NEK5: variants seen among roughly 807,000 people sequenced by gnomAD.
The protein encoded by NEK5 is serine/threonine-protein kinase Nek5.
Under a neutral mutation model 109.2 loss-of-function variants are expected in NEK5, and 88 were observed. The observed-to-expected ratio is 0.81, with a 90% CI of 0.68 to 0.96. The LOEUF (loss-of-function observed/expected upper bound fraction) is 0.96, where lower values mean the gene tolerates loss of function less well. Among genes scored for constraint, NEK5 ranks in the 40% least tolerant of loss-of-function variants. The probability of loss-of-function intolerance (pLI) is 0.00; values close to 1 mark genes in which losing one functional copy is unlikely to be tolerated. For missense variants in NEK5, 834 were observed against 920.7 expected (o/e 0.91, Z 1.22); for synonymous variants, 283 against 299.9 (o/e 0.94, Z 0.58).
At chr13:52,102,045 C>T (rs749025105) in intron 10 of NEK5, 31 bp from the exon 11 acceptor site, 9 of 1,612,232 alleles carry the variant, frequency 5.6e-6, no homozygotes, top group Non-Finnish European at 7.6e-6. Context: ...CAAGGACCTG[C>T]AACCCAAAAT....
chr13:52,062,581 C>T (rs370725211), intron 21 of NEK5, among the ~76,000 whole-genome samples: 2 of 151,914 alleles, frequency 1.3e-5, no homozygotes, highest in African/African-American at 4.8e-5. Flanking sequence ...CCATCACACC[C>T]GGCTAATTTT....
chr13:52,127,787 G>C (rs1021793387), intron 1 of NEK5, 125 bp from the exon 2 acceptor site: 5 of 280,840 alleles, frequency 1.8e-5, no homozygotes, highest in African/African-American at 1.1e-4. Flanking sequence ...TTCTAAAATG[G>C]AATAACAATA....
intron 11 of NEK5, 131 bp from the exon 12 acceptor site, chr13:52,100,007 TAC>T (rs1955498115): frequency 3.0e-6 from 2 of 675,974 alleles, no homozygotes; most frequent in South Asian, 2.5e-5. Context: ...AGAGATATTT[TAC>T]ACACAGTGAG....
intron 22 of NEK5, among the ~76,000 whole-genome samples, chr13:52,057,418 A>G (rs1453218601): frequency 4.7e-3 from 660 of 139,070 alleles, no homozygotes; most frequent in African/African-American, 0.011. Flanking sequence ...AATCAATAGA[A>G]AAAGAGGGAA....
chr13:52,126,292 CTA>C (rs1174615233), intron 3 of NEK5, among the ~76,000 whole-genome samples: 1 of 152,158 alleles, frequency 6.6e-6, no homozygotes, highest in African/African-American at 2.4e-5. Flanking sequence ...TTTTAATTAA[CTA>C]TATTTATTTT....
rs551943590 is a variant in NEK5 at position 52,079,457 on chromosome 13, G to A, written c.1573-3314C>T. Among the ~76,000 whole-genome samples, 752 of 152,310 alleles carry A rather than the reference G, an allele frequency of 4.9e-3. 4 individuals are homozygous for A. The highest frequency in any genetic ancestry group is 0.027 in the South Asian group (131 of 4,818). On this transcript the variant is annotated intron_variant, in intron 17 of 23. Transcript: ENST00000684899. ...TGCGATTGCAGGGGCGCACCGCCAC[G>A]CCTGACTGGTTTTCGTATTTTTTTG...
chr13:52,084,758 AGAGAGTGTGTGTGTGTGTGTGTGTGTGT>A (rs1955099718), intron 16 of NEK5, among the ~76,000 whole-genome samples: 3 of 45,104 alleles, frequency 6.7e-5, no homozygotes, highest in Non-Finnish European at 1.9e-4. Flanking sequence ...AGAGAGAGAG[AGAGAGTGTGTGTGTGTGTGTGTGTGTGT>A]GTGTGTGTGT....
intron 15 of NEK5, 113 bp downstream of exon 15, chr13:52,087,225 G>T: frequency 1.6e-6 from 1 of 612,264 alleles, no homozygotes; most frequent in South Asian, 2.5e-5. Flanking sequence ...ACTCAGCATG[G>T]TGTTGACATA....
At chr13:52,074,005 C>T (rs1954823907) in intron 19 of NEK5, among the ~76,000 whole-genome samples, 2 of 152,060 alleles carry the variant, frequency 1.3e-5, no homozygotes, top group African/African-American at 4.8e-5. Flanking sequence ...AAACATGCCA[C>T]ATGCATGGAT....
chr13:52,097,077 T>A (rs1955432692), intron 12 of NEK5, among the ~76,000 whole-genome samples: 1 of 152,202 alleles, frequency 6.6e-6, no homozygotes, highest in Non-Finnish European at 1.5e-5. Flanking sequence ...CCACATGGTG[T>A]TAAGTCTGCA....
intron 22 of NEK5, among the ~76,000 whole-genome samples, chr13:52,052,066 T>C (rs1008402253): frequency 1.3e-5 from 2 of 152,176 alleles, no homozygotes; most frequent in Non-Finnish European, 2.9e-5. Flanking sequence ...TTGTCTCTTA[T>C]CTACCTATGA....
rs941739253 is a variant in NEK5, at chr13:52,037,015, T to A, written c.2432A>T (p.Asn811Ile). The A allele has an allele frequency of 7.1e-6, 7 of 985,036 alleles. No individual in the cohort carries two copies. The African/African-American group carries it at 1.0e-4, about 15-fold the overall frequency. The allele number at this position is 985,036 out of a possible 1,614,324, so 61.0% of individuals were successfully genotyped here. A position where few individuals can be genotyped will look rare whatever the true frequency, so the allele number is the denominator to read the frequency against. ...TTCATCAGTAATACAAATGTGGTCA[T>A]TAGATGTAGTAGAAATATTCTCCAA... Reference protein sequence around the residue: ...EGLENISTTSNDHICITDEDQ... With the variant: ...EGLENISTTSIDHICITDEDQ... The change falls in exon 24 of 24, where the codon AAT becomes ATT. Residue 811 changes from asparagine (N) to isoleucine (I), a missense_variant. Asn to Ile is a moderately radical substitution (Grantham distance 149). Transcript: ENST00000684899.
chr13:52,124,475 A>G (rs1265510952), intron 3 of NEK5, among the ~76,000 whole-genome samples: 2 of 152,226 alleles, frequency 1.3e-5, no homozygotes, highest in South Asian at 2.1e-4. Context: ...TCCCATGTCA[A>G]TGCTTCACCT....
intron 8 of NEK5, among the ~76,000 whole-genome samples, chr13:52,105,636 A>T (rs1010863875): frequency 2.6e-5 from 4 of 152,134 alleles, no homozygotes; most frequent in Admixed American, 2.6e-4. Context: ...CTGTTCCCAG[A>T]GGACCCTCTG....
chr13:52,110,623 A>G (rs1484434311), intron 5 of NEK5, 46 bp from the exon 6 acceptor site: 2 of 1,149,094 alleles, frequency 1.7e-6, no homozygotes, highest in Admixed American at 3.8e-5. Context: ...CCTGGTAGTC[A>G]CTGAAATGTC....
intron 22 of NEK5, among the ~76,000 whole-genome samples, chr13:52,056,888 C>T (rs1337716642): frequency 1.3e-5 from 2 of 151,932 alleles, no homozygotes; most frequent in Non-Finnish European, 2.9e-5. Flanking sequence ...ATTAAAAGAA[C>T]TAGAAAAGCA....
In NEK5 at chr13:52,110,497, A is replaced by G. The variant is rs2138061939; in HGVS notation, c.393T>C (p.Ala131=). The G allele has an allele frequency of 6.2e-7, 1 of 1,610,916 alleles. No homozygotes were observed. Among genetic ancestry groups the G allele is most frequent in the Non-Finnish European group, 8.5e-7 (1 of 1,177,288 alleles). Residue 131 remains alanine (A), a synonymous_variant, in exon 6 of 24, where the codon GCT becomes GCC. Coordinates refer to ENST00000684899, the MANE Select transcript of NEK5 (RefSeq NM_001365552.1). ...AGTCTTCTCTCTGAGCTGTTACCTG[A>G]GCTTTTATGTCCCTGTGTAATATCT... ...DRKILHRDIK[A]QNIFLSKNGM...
At chr13:52,120,223 A>G (rs1020895062) in intron 3 of NEK5, among the ~76,000 whole-genome samples, 2 of 152,320 alleles carry the variant, frequency 1.3e-5, no homozygotes, top group East Asian at 3.9e-4. Context: ...AGGATCCTTC[A>G]GTAAGTTCCT....
intron 17 of NEK5, among the ~76,000 whole-genome samples, chr13:52,079,403 G>A (rs1230977497): frequency 6.7e-6 from 1 of 149,510 alleles, no homozygotes; most frequent in East Asian, 2.0e-4. Context: ...TTCCCTGCCT[G>A]ATTCTCCTGC....
Sources: gnomAD v4.1 joint callset for allele counts (sites outside exome capture counted in the v4.1 genomes callset) on GRCh38, gnomAD v4.1.1 for gene constraint, MANE v1.5 for transcripts, NCBI Gene and HGNC (gene_info 2026-07-23, HGNC 2026-07-21) for gene names.